The following PIK3C3 variants were observed in gnomAD, a reference collection of about 807,000 sequenced individuals.
PIK3C3 encodes the protein PI3-kinase type 3.
PIK3C3 carries 95 observed loss-of-function variants against 126.1 expected under a neutral mutation model. That is an observed-to-expected ratio of 0.75 (90% CI 0.64 to 0.89). The LOEUF (loss-of-function observed/expected upper bound fraction) is 0.89, where lower values mean the gene tolerates loss of function less well. Ranked by LOEUF, PIK3C3 falls within the 40% of genes least tolerant of loss-of-function variation. The pLI is 0.00. For synonymous variants in PIK3C3, 374 were observed against 360.0 expected (o/e 1.04, Z -0.44); for missense variants, 829 against 1,063.2 (o/e 0.78, Z 3.06).
At chr18:42,066,808 T>C (rs1985560680) in intron 23 of PIK3C3, among the ~76,000 whole-genome samples, 1 of 152,136 alleles carries the variant, frequency 6.6e-6, no homozygotes, top group African/African-American at 2.4e-5. Context: ...ATTTTATCTT[T>C]GGAAACGATA....
intron 5 of PIK3C3, among the ~76,000 whole-genome samples, chr18:41,988,912 T>A (rs1218867619): frequency 6.6e-6 from 1 of 152,152 alleles, no homozygotes; most frequent in Non-Finnish European, 1.5e-5. Context: ...TATCACTGGG[T>A]ATAGAAAACG....
chr18:42,080,286 A>G (rs1015949628), intron 24 of PIK3C3, among the ~76,000 whole-genome samples: 3 of 152,116 alleles, frequency 2.0e-5, no homozygotes, highest in African/African-American at 7.2e-5. Flanking sequence ...ATTTTTTTCT[A>G]GAGTGACACT....
At chr18:42,059,634 G>A (rs1390191043) in intron 22 of PIK3C3, among the ~76,000 whole-genome samples, 1 of 152,110 alleles carries the variant, frequency 6.6e-6, no homozygotes, top group African/African-American at 2.4e-5. Context: ...GAGAGCCAAG[G>A]TTGACTTCCT....
At chr18:42,000,608 A>G (rs930515844) in intron 9 of PIK3C3, among the ~76,000 whole-genome samples, 2 of 152,096 alleles carry the variant, frequency 1.3e-5, no homozygotes, top group South Asian at 4.1e-4. Flanking sequence ...CCGCTTTCAC[A>G]CTTCTGATAA....
chr18:41,997,246 A>G (rs1200408397), intron 9 of PIK3C3, among the ~76,000 whole-genome samples: 1 of 152,128 alleles, frequency 6.6e-6, no homozygotes, highest in Non-Finnish European at 1.5e-5. Flanking sequence ...GAGAGAGAGT[A>G]TGAGAAATAT....
intron 24 of PIK3C3, among the ~76,000 whole-genome samples, chr18:42,077,668 C>T (rs890116618): frequency 1.6e-4 from 24 of 152,206 alleles, no homozygotes; most frequent in Non-Finnish European, 2.9e-4. Flanking sequence ...ACTTCCTCTA[C>T]TGAACTCTTG....
At chr18:41,993,714 G>A (rs915052894) in intron 7 of PIK3C3, among the ~76,000 whole-genome samples, 3 of 152,062 alleles carry the variant, frequency 2.0e-5, no homozygotes, top group African/African-American at 7.2e-5. Context: ...GTTACAGGAG[G>A]ATTCTATAAC....
chr18:42,044,848 G>A (rs373210284), intron 20 of PIK3C3, among the ~76,000 whole-genome samples: 32 of 152,210 alleles, frequency 2.1e-4, no homozygotes, highest in Non-Finnish European at 2.5e-4. Flanking sequence ...TTATATAAGC[G>A]CTATATTTGT....
chr18:42,068,949 CA>C (rs35657662), intron 24 of PIK3C3, among the ~76,000 whole-genome samples: 145 of 82,244 alleles, frequency 1.8e-3, no homozygotes, highest in East Asian at 6.3e-3. Context: ...GACTCCGTCT[CA>C]AAAAAAAAAA....
chr18:42,041,970 A>G (rs1168616534), intron 19 of PIK3C3, among the ~76,000 whole-genome samples: 1 of 152,236 alleles, frequency 6.6e-6, no homozygotes, highest in Non-Finnish European at 1.5e-5. Context: ...ATCTTTGGAA[A>G]GGCCTGCTTG....
intron 15 of PIK3C3, among the ~76,000 whole-genome samples, chr18:42,031,793 T>C (rs952179768): frequency 6.6e-6 from 1 of 152,188 alleles, no homozygotes; most frequent in African/African-American, 2.4e-5. Flanking sequence ...CACTTTATGA[T>C]TTTTTAGGGG....
At chr18:41,970,799 A>G (rs1446323202) in intron 4 of PIK3C3, 1 of 410,208 alleles carries the variant, frequency 2.4e-6, no homozygotes, top group Non-Finnish European at 4.3e-6. Flanking sequence ...ATCTGTATGG[A>G]TTTGCCTGTT....
chr18:41,972,781 G>T (rs1041942288), intron 4 of PIK3C3, among the ~76,000 whole-genome samples: 3 of 152,010 alleles, frequency 2.0e-5, no homozygotes, highest in Non-Finnish European at 2.9e-5. Context: ...TTTATTTTTT[G>T]ATGTATTGTG....
intron 15 of PIK3C3, among the ~76,000 whole-genome samples, chr18:42,033,333 G>C (rs1244473805): frequency 6.6e-6 from 1 of 152,176 alleles, no homozygotes; most frequent in Admixed American, 6.5e-5. Flanking sequence ...TACAGACTCA[G>C]TGAAAGTTAG....
At position 41,962,580 on chromosome 18, in the gene PIK3C3, G is replaced by C; in HGVS notation, c.349G>C (p.Gly117Arg). ...CACCATATGGGATGTGTATGGTCCC[G>C]GAAAAGCAGTGCCTGTAGGAGGAAC... ...ALTIWDVYGP[G>R]KAVPVGGTTV... The change falls in exon 3 of 25, where the codon GGA becomes CGA. Residue 117 changes from glycine (G) to arginine (R), a missense_variant. This residue lies in a region of PIK3C3 where 313 missense variants were observed against 340.7 expected (regional missense o/e 0.92). Transcript: ENST00000262039. The C allele has an allele frequency of 6.2e-7, 1 of 1,613,448 alleles. No homozygotes were observed. Among genetic ancestry groups the C allele is most frequent in the Non-Finnish European group, 8.5e-7 (1 of 1,179,568 alleles).
chr18:42,034,099 C>A, intron 16 of PIK3C3, 142 bp downstream of exon 16: 1 of 486,778 alleles, frequency 2.1e-6, no homozygotes, highest in Non-Finnish European at 3.4e-6. Flanking sequence ...TTGAAGGGTA[C>A]CTTTTATTTA....
chr18:41,970,238 T>C, intron 3 of PIK3C3, 89 bp from the exon 4 acceptor site: 3 of 1,104,602 alleles, frequency 2.7e-6, no homozygotes, highest in Non-Finnish European at 4.1e-6. Flanking sequence ...TTTCCATGTA[T>C]AGAATTCTCT....
chr18:41,958,286 G>GT (rs886065880), intron 2 of PIK3C3, among the ~76,000 whole-genome samples: 67 of 152,238 alleles, frequency 4.4e-4, no homozygotes, highest in African/African-American at 1.5e-3. Context: ...TGAAGTTCCT[G>GT]TTTTTTTCAG....
intron 24 of PIK3C3, among the ~76,000 whole-genome samples, chr18:42,076,124 G>GAA (rs1985987470): frequency 1.5e-5 from 1 of 67,210 alleles, no homozygotes; most frequent in Non-Finnish European, 2.9e-5. Flanking sequence ...ATATATATGC[G>GAA]CATATATATA....
Sources: gnomAD v4.1 joint callset for allele counts (sites outside exome capture counted in the v4.1 genomes callset) on GRCh38, gnomAD v4.1.1 for gene constraint, gnomAD v4.1.1 regional missense constraint, MANE v1.5 for transcripts, NCBI Gene and HGNC (gene_info 2026-07-23, HGNC 2026-07-21) for gene names.